ARMC3: variants seen among roughly 807,000 people sequenced by gnomAD.
ARMC3 encodes the protein armadillo repeat containing 3, also known as armadillo repeat-containing protein 3.
Under a neutral mutation model 90.3 loss-of-function variants are expected in ARMC3, and 74 were observed. The observed-to-expected ratio is 0.82, with a 90% confidence interval of 0.68 to 0.99. The LOEUF (loss-of-function observed/expected upper bound fraction) is 0.99. Among genes scored for constraint, ARMC3 ranks in the 50% least tolerant of loss-of-function variants. ARMC3 has a pLI of 0.00. For synonymous variants in ARMC3, 334 were observed against 361.8 expected (o/e 0.92, Z 0.87); for missense variants, 958 against 1,042.8 (o/e 0.92, Z 1.12).
Position 22,959,152 on chromosome 10 carries a change from C to A in ARMC3, c.361+14C>A. The A allele has an allele frequency of 6.2e-7, 1 of 1,604,054 alleles. No individual in the cohort carries two copies. The highest frequency in any genetic ancestry group is 8.5e-7 in the Non-Finnish European group (1 of 1,171,028). On this transcript the variant is annotated intron_variant, in intron 5 of 18. Transcript: ENST00000298032. The stretch of plus-strand genomic sequence containing the variant: ...TCGCTCCAGAAGGTAACTTTGCATT[C>A]TATATCTGTTTTAAAAAATGGAACT...
intron 16 of ARMC3, chr10:23,014,008 A>G: frequency 1.4e-6 from 2 of 1,443,252 alleles, no homozygotes; most frequent in Non-Finnish European, 9.5e-7. Context: ...CCTTTACAGT[A>G]TGTCCAGGGA....
At chr10:22,938,845 G>C (rs1054672094) in intron 2 of ARMC3, among the ~76,000 whole-genome samples, 6 of 152,100 alleles carry the variant, frequency 3.9e-5, no homozygotes, top group African/African-American at 1.4e-4. Flanking sequence ...AAACCACCAT[G>C]AATAAAAACA....
chr10:22,967,720 C>T (rs1412530952), intron 7 of ARMC3, among the ~76,000 whole-genome samples: 2 of 152,186 alleles, frequency 1.3e-5, no homozygotes, highest in Non-Finnish European at 2.9e-5. Context: ...CAGTGAATTC[C>T]ATGAACATTG....
In ARMC3 at chr10:22,968,397, G is replaced by A. The variant is rs1395099511; in HGVS notation, c.824G>A (p.Gly275Asp). The A allele has an allele frequency of 1.9e-6, 3 of 1,613,218 alleles. No individual in the cohort carries two copies. Among genetic ancestry groups the A allele is most frequent in the Non-Finnish European group, 2.5e-6 (3 of 1,179,686 alleles). The change falls in exon 8 of 19, where the codon GGT becomes GAT. Residue 275 changes from glycine (G) to aspartate (D), a missense_variant. Coordinates refer to ENST00000298032, the MANE Select transcript of ARMC3 (RefSeq NM_173081.5). ...DTMVQIQQTG[G>D]LKKLLSFAEN... ...ATGGTGCAGATTCAGCAGACAGGGG[G>A]TCTTAAAAAGCTCCTGTCATTTGCA...
At chr10:22,975,528 G>A (rs183713665) in intron 8 of ARMC3, among the ~76,000 whole-genome samples, 24 of 152,210 alleles carry the variant, frequency 1.6e-4, no homozygotes, top group South Asian at 4.2e-4. Context: ...TCGCACCATC[G>A]CACTCCAGCC....
At chr10:23,032,137 AAGAAGGTAGTGGTCTTC>A (rs1263460333) in intron 17 of ARMC3, among the ~76,000 whole-genome samples, 3 of 152,150 alleles carry the variant, frequency 2.0e-5, no homozygotes, top group Non-Finnish European at 2.9e-5. Context: ...CCTTTACTCC[AAGAAGGTAGTGGTCTTC>A]AGAGACAAAG....
intron 16 of ARMC3, among the ~76,000 whole-genome samples, chr10:23,022,698 T>C (rs141111920): frequency 8.1e-4 from 123 of 152,164 alleles, no homozygotes; most frequent in African/African-American, 2.9e-3. Context: ...ACAACTTCCC[T>C]TTTCCCCCTT....
chr10:22,958,954 C>A (rs1053610891), intron 4 of ARMC3, 116 bp from the exon 5 acceptor site: 3 of 810,162 alleles, frequency 3.7e-6, no homozygotes, highest in African/African-American at 3.5e-5. Context: ...AACTCCTGAC[C>A]TCAAGTGATT....
intron 16 of ARMC3, among the ~76,000 whole-genome samples, chr10:23,013,658 G>A (rs748414416): frequency 2.3e-4 from 35 of 152,106 alleles, no homozygotes; most frequent in Admixed American, 1.8e-3. Flanking sequence ...AATGTCATGT[G>A]TACAATACAG....
chr10:22,939,830 C>A (rs1446481391), intron 2 of ARMC3, among the ~76,000 whole-genome samples: 1 of 151,862 alleles, frequency 6.6e-6, no homozygotes, highest in Non-Finnish European at 1.5e-5. Context: ...AAATGGGATA[C>A]TAAAAAAACC....
At chr10:22,932,123 C>A in intron 2 of ARMC3, 79 bp downstream of exon 2, 1 of 1,274,990 alleles carries the variant, frequency 7.8e-7, no homozygotes. Context: ...TTGGCATGTA[C>A]CAGTATATAC....
At chr10:23,021,282 C>T (rs1247373568) in intron 16 of ARMC3, among the ~76,000 whole-genome samples, 1 of 152,120 alleles carries the variant, frequency 6.6e-6, no homozygotes, top group Non-Finnish European at 1.5e-5. Context: ...CATAGGAGTA[C>T]ATGTGTCTTT....
chr10:22,930,554 A>T (rs1833889708), intron 1 of ARMC3, among the ~76,000 whole-genome samples: 1 of 152,172 alleles, frequency 6.6e-6, no homozygotes, highest in African/African-American at 2.4e-5. Flanking sequence ...CAAAGTCTTA[A>T]AAGTAGTGTG....
intron 8 of ARMC3, among the ~76,000 whole-genome samples, chr10:22,976,267 G>C (rs921471492): frequency 1.3e-5 from 2 of 152,070 alleles, no homozygotes; most frequent in African/African-American, 4.8e-5. Flanking sequence ...CTCTTTGACA[G>C]ATCAGTCCAT....
intron 3 of ARMC3, among the ~76,000 whole-genome samples, chr10:22,947,325 C>CAA (rs140227935): frequency 4.3e-5 from 6 of 139,580 alleles, no homozygotes; most frequent in African/African-American, 1.3e-4. Context: ...ACCAACCAAC[C>CAA]AAAAAAAAAA....
At chr10:23,007,062 CAA>C (rs1837652937) in intron 14 of ARMC3, 81 bp downstream of exon 14, 6 of 1,153,956 alleles carry the variant, frequency 5.2e-6, no homozygotes, top group South Asian at 1.5e-5. Flanking sequence ...TGTGAATATG[CAA>C]AGATTCCCAG....
chr10:22,965,247 A>G (rs965658695), intron 7 of ARMC3, among the ~76,000 whole-genome samples: 3 of 152,244 alleles, frequency 2.0e-5, no homozygotes, highest in Admixed American at 2.0e-4. Flanking sequence ...TGTAAATATA[A>G]TGGCATAAAT....
At chr10:23,012,276 CTCACA>C (rs930020573) in intron 16 of ARMC3, among the ~76,000 whole-genome samples, 1 of 152,186 alleles carries the variant, frequency 6.6e-6, no homozygotes, top group Non-Finnish European at 1.5e-5. Flanking sequence ...CTGTGAAACA[CTCACA>C]TCTTGATCTC....
intron 2 of ARMC3, among the ~76,000 whole-genome samples, chr10:22,941,664 T>C (rs1022303376): frequency 1.3e-5 from 2 of 152,188 alleles, no homozygotes; most frequent in Non-Finnish European, 2.9e-5. Flanking sequence ...TCTGATGTAA[T>C]AGAACATGTG....
Sources: gnomAD v4.1 joint callset for allele counts (sites outside exome capture counted in the v4.1 genomes callset) on GRCh38, gnomAD v4.1.1 for gene constraint, MANE v1.5 for transcripts, NCBI Gene and HGNC (gene_info 2026-07-23, HGNC 2026-07-21) for gene names.